The following SHANK2 variants were observed in gnomAD, a reference collection of about 807,000 sequenced individuals.
The protein encoded by SHANK2 is SH3 and multiple ankyrin repeat domains 2.
A neutral mutation model predicts 133.7 loss-of-function variants in SHANK2; 43 were observed. The observed-to-expected ratio is 0.32, with a 90% confidence interval of 0.25 to 0.41. SHANK2 has a LOEUF of 0.41. Ranked by LOEUF, SHANK2 falls within the 10% of genes least tolerant of loss-of-function variation. The pLI is 1.00. For synonymous variants in SHANK2, 1,017 were observed against 952.8 expected, an observed-to-expected ratio of 1.07 and a Z score of -1.24; for missense variants, 1,994 against 2,235.8, an observed-to-expected ratio of 0.89 and a Z score of 2.18.
intron 9 of SHANK2, among the ~76,000 whole-genome samples, chr11:71,061,132 C>A (rs1343805612): frequency 2.6e-5 from 4 of 152,266 alleles, no homozygotes; most frequent in African/African-American, 9.6e-5. Context: ...AGACTGCAGG[C>A]CTGCTTACTT....
chr11:70,482,690 T>C (rs1291823040), intron 25 of SHANK2, among the ~76,000 whole-genome samples: 7 of 152,214 alleles, frequency 4.6e-5, no homozygotes, highest in African/African-American at 1.7e-4. Context: ...CTGTTCTTAC[T>C]GTAAGAGAGC....
At chr11:70,911,866 G>C (rs1225005356) in intron 10 of SHANK2, among the ~76,000 whole-genome samples, 3 of 152,062 alleles carry the variant, frequency 2.0e-5, no homozygotes, top group Non-Finnish European at 4.4e-5. Flanking sequence ...AGGATCACCT[G>C]AGGTCAGGAG....
Position 70,486,773 on chromosome 11 carries a change from T to G in SHANK2, c.3520A>C (p.Asn1174His), listed in dbSNP as rs944603095. Reference protein sequence around the residue: ...SAPGEAGRPLNSTSKAQGPES... With the variant: ...SAPGEAGRPLHSTSKAQGPES... ...GGCCCCTGGGCTTTGGACGTGGAAT[T>G]CAGCGGCCTCCCAGCCTCACCCGGA... The change falls in exon 25 of 26, where the codon AAT becomes CAT. Residue 1174 changes from asparagine to histidine, a missense_variant. This residue lies in a region of SHANK2 where 797 missense variants were observed against 907.4 expected (regional missense o/e 0.88). Transcript: ENST00000601538. This position sits in a 1 kb window ranked among gnomAD's most constrained non-coding sequence, Gnocchi z 8.0. 2 of 1,611,518 alleles carry G rather than the reference T, an allele frequency of 1.2e-6. No individual in the cohort carries two copies. The highest frequency in any genetic ancestry group is 1.7e-6 in the Non-Finnish European group (2 of 1,179,930).
chr11:70,595,271 C>T (rs1554989206), intron 17 of SHANK2, among the ~76,000 whole-genome samples: 3 of 152,248 alleles, frequency 2.0e-5, no homozygotes, highest in Non-Finnish European at 4.4e-5. Context: ...CCCCGACCCC[C>T]TCTCAGGAAG....
chr11:70,558,930 T>C (rs1319595843), intron 17 of SHANK2, among the ~76,000 whole-genome samples: 1 of 152,220 alleles, frequency 6.6e-6, no homozygotes, highest in Non-Finnish European at 1.5e-5. Flanking sequence ...GGAAGAGAGA[T>C]GTGCTCGGGG....
chr11:70,808,514 A>C (rs536559170), intron 12 of SHANK2, among the ~76,000 whole-genome samples: 1 of 127,776 alleles, frequency 7.8e-6, no homozygotes, highest in East Asian at 2.4e-4. Flanking sequence ...TTTTGCCACT[A>C]TTTTAAAAAA....
intron 17 of SHANK2, among the ~76,000 whole-genome samples, chr11:70,546,129 G>C (rs1231226066): frequency 6.8e-6 from 1 of 146,014 alleles, no homozygotes; most frequent in Non-Finnish European, 1.5e-5. Context: ...GTAGAGATGG[G>C]GGTCACACTA....
chr11:70,820,198 C>T (rs1178305961), intron 12 of SHANK2, among the ~76,000 whole-genome samples, 166 bp downstream of exon 12: 9 of 152,226 alleles, frequency 5.9e-5, no homozygotes, highest in African/African-American at 1.2e-4. Context: ...AAGGGGAGAC[C>T]GTGCCAGCAG....
In SHANK2 at chr11:70,853,899, T is replaced by TC. The variant is rs557663238; in HGVS notation, c.1175-33218dup. ...GCTTCAGTGGGTTCCTGTGTCTGAATCCCCCCTCCTTCTTCTTATAAAGAC... is the reference window on the plus strand; with the variant it reads ...GCTTCAGTGGGTTCCTGTGTCTGAATCCCCCCCTCCTTCTTCTTATAAAGAC... On this transcript the variant is annotated intron_variant, in intron 11 of 25. Coordinates refer to ENST00000601538, the MANE Select transcript of SHANK2 (RefSeq NM_012309.5). Among the ~76,000 whole-genome samples the TC allele has an allele frequency of 5.3e-5, 8 of 152,100 alleles. No homozygotes were observed. The East Asian group carries it at 1.5e-3, about 29-fold the overall frequency.
chr11:70,512,240 G>A (rs140737782), intron 17 of SHANK2, among the ~76,000 whole-genome samples: 71 of 152,236 alleles, frequency 4.7e-4, no homozygotes, highest in Non-Finnish European at 7.5e-4. Flanking sequence ...ACCCCCAAGC[G>A]TGAAAATCAA....
chr11:71,187,882 C>A (rs1415494579), intron 2 of SHANK2, among the ~76,000 whole-genome samples: 7 of 152,206 alleles, frequency 4.6e-5, no homozygotes, highest in Non-Finnish European at 1.0e-4. Context: ...CTCAGCGCTT[C>A]CCTCCCACAA....
At chr11:71,206,924 A>C (rs782301724) in intron 2 of SHANK2, among the ~76,000 whole-genome samples, 3 of 152,036 alleles carry the variant, frequency 2.0e-5, no homozygotes, top group Non-Finnish European at 4.4e-5. Flanking sequence ...AAAAAGTCAA[A>C]GTAAAAAAAA....
chr11:71,229,883 A>C (rs1307154241), intron 1 of SHANK2, among the ~76,000 whole-genome samples: 5 of 152,186 alleles, frequency 3.3e-5, no homozygotes, highest in African/African-American at 7.2e-5. Flanking sequence ...TCAAAGATCT[A>C]AAAAAATTGA....
intron 11 of SHANK2, among the ~76,000 whole-genome samples, chr11:70,873,528 T>G (rs1949505464): frequency 6.6e-6 from 1 of 152,202 alleles, no homozygotes; most frequent in African/African-American, 2.4e-5. Flanking sequence ...AGTGGTCCCA[T>G]GAAGGAGGAG....
chr11:70,652,618 C>T (rs1555010411), intron 17 of SHANK2, among the ~76,000 whole-genome samples: 1 of 151,836 alleles, frequency 6.6e-6, no homozygotes, highest in African/African-American at 2.4e-5. Context: ...GAGACCAGCC[C>T]AGGCAACAAA....
At chr11:70,883,375 G>A (rs906290221) in intron 11 of SHANK2, among the ~76,000 whole-genome samples, 3 of 152,116 alleles carry the variant, frequency 2.0e-5, no homozygotes, top group Admixed American at 6.5e-5. Flanking sequence ...TGATACCTAC[G>A]GCAGGTATAA....
chr11:70,583,672 A>G (rs2060212142), intron 17 of SHANK2, among the ~76,000 whole-genome samples: 1 of 152,170 alleles, frequency 6.6e-6, no homozygotes. Flanking sequence ...GGCTCAGGAT[A>G]AAATCTGGAG....
intron 14 of SHANK2, among the ~76,000 whole-genome samples, chr11:70,763,636 C>T (rs1947043065): frequency 6.6e-6 from 1 of 152,202 alleles, no homozygotes; most frequent in African/African-American, 2.4e-5. Flanking sequence ...CACCCTGTGA[C>T]CTGGACAGCA....
intron 3 of SHANK2, among the ~76,000 whole-genome samples, chr11:71,140,939 C>T (rs1240007866): frequency 6.6e-6 from 1 of 152,212 alleles, no homozygotes; most frequent in African/African-American, 2.4e-5. Context: ...CGCCAGCCTC[C>T]CAGGGCTTCC....
Sources: allele counts gnomAD v4.1 joint callset (sites outside exome capture counted in the v4.1 genomes callset), GRCh38; gene constraint gnomAD v4.1.1; regional missense constraint gnomAD v4.1.1; non-coding constraint Gnocchi (gnomAD v3.1); transcripts MANE v1.5; gene names NCBI Gene and HGNC (gene_info 2026-07-23, HGNC 2026-07-21).